The following TMEM237 variants were observed in gnomAD, a reference collection of about 807,000 sequenced individuals.
TMEM237 encodes transmembrane protein 237.
Under a neutral mutation model 59.1 loss-of-function variants are expected in TMEM237, and 51 were observed. The observed-to-expected ratio is 0.86, with a 90% CI of 0.69 to 1.09. TMEM237 has a LOEUF of 1.09. Among genes scored for constraint, TMEM237 ranks in the 50% least tolerant of loss-of-function variants. TMEM237 has a pLI of 0.00. For missense variants in TMEM237, 475 were observed against 478.3 expected, an observed-to-expected ratio of 0.99 and a Z score of 0.06; for synonymous variants, 140 against 166.1, an observed-to-expected ratio of 0.84 and a Z score of 1.21.
intron 4 of TMEM237, 179 bp downstream of exon 4, chr2:201,638,810 C>T: frequency 1.6e-6 from 1 of 640,868 alleles, no homozygotes; most frequent in Admixed American, 3.0e-5. Flanking sequence ...AGGCTGCCCA[C>T]TGCCCTGTAC....
chr2:201,624,323 C>T lies in TMEM237; in HGVS notation c.1160-1G>A, dbSNP rs747465681. 18 of 1,609,462 alleles carry T rather than the reference C, an allele frequency of 1.1e-5. No homozygotes were observed. In the African/African-American group the frequency reaches 2.3e-4, roughly 20 times the overall value. ...TCCACCTCTGAGGAGAACATTAACT[C>T]TGGAGAAGAAAATGAACAGATCATA... On this transcript the variant is annotated splice_acceptor_variant, in intron 12 of 12. Transcript: ENST00000409883. LOFTEE classifies it high-confidence loss of function.
In TMEM237 at chr2:201,627,342, G is replaced by A; in HGVS notation, c.1016C>T (p.Ser339Phe). The change falls in exon 11 of 13, where the codon TCT becomes TTT. Residue 339 changes from serine to phenylalanine, a missense_variant. Transcript: ENST00000409883. ...TTACCAGAGGCTACCATTAACAGAA[G>A]AAGGTGTGTAAAGGTGGATTCTGTC... The part of the protein sequence containing the change: ...TSDRIHLYTP[S>F]SVNGSLWEAG... 6.2e-7 allele frequency: 1 copy of A among 1,608,104 alleles called. No individual in the cohort carries two copies. The highest frequency in any genetic ancestry group is 1.1e-5 in the South Asian group (1 of 89,340).
At position 201,629,435 on chromosome 2, in the gene TMEM237, G is replaced by A; in HGVS notation, c.678-14C>T. ...AGACCAATCATCCTGAATGGAAAAG[G>A]GTTTGATTATTATACATGAATTACT... On this transcript the variant is annotated splice_polypyrimidine_tract_variant and intron_variant, in intron 8 of 12. Coordinates refer to ENST00000409883, the MANE Select transcript of TMEM237 (RefSeq NM_001044385.3). 6.5e-7 allele frequency: 1 copy of A among 1,527,768 alleles called. No homozygotes were observed. The highest frequency in any genetic ancestry group is 2.4e-5 in the Admixed American group (1 of 40,826). 94.6% of individuals were successfully genotyped at this position (1,527,768 alleles called of 1,614,324 possible). A position where few individuals can be genotyped will look rare whatever the true frequency, so the allele number is the denominator to read the frequency against.
chr2:201,643,059 G>A lies in TMEM237; in HGVS notation c.42+300C>T. On this transcript the variant is annotated intron_variant, in intron 1 of 12. Transcript: ENST00000409883. This position sits in a 1 kb window ranked among gnomAD's most constrained non-coding sequence, Gnocchi z 4.3. Reference sequence around the variant, plus strand: ...AGGAGAGGCCTGGCTGGAAGCCCCGGCACCCGCCGGGCCCCGGGCCTCAGA... The same window carrying A: ...AGGAGAGGCCTGGCTGGAAGCCCCGACACCCGCCGGGCCCCGGGCCTCAGA... 8.4e-7 allele frequency: 1 copy of A among 1,195,608 alleles called. No individual in the cohort carries two copies. Among genetic ancestry groups the A allele is most frequent in the Non-Finnish European group, 1.1e-6 (1 of 923,448 alleles). The allele number at this position is 1,195,608 out of a possible 1,614,324, so 74.1% of individuals were successfully genotyped here. A position where few individuals can be genotyped will look rare whatever the true frequency, so the allele number is the denominator to read the frequency against.
In TMEM237 at chr2:201,643,229, A is replaced by T; in HGVS notation, c.42+130T>A. 1.9e-6 allele frequency: 2 copies of T among 1,029,402 alleles called. No homozygotes were observed. The allele number at this position is 1,029,402 out of a possible 1,614,324, so 63.8% of individuals were successfully genotyped here. On this transcript the variant is annotated intron_variant, in intron 1 of 12. Coordinates refer to ENST00000409883, the MANE Select transcript of TMEM237 (RefSeq NM_001044385.3). The surrounding 1 kb of genome is among the most constrained non-coding windows in gnomAD (Gnocchi z 4.3). ...GAACACTGGAGGGGCGGATGCGCGC[A>T]CCCCACGAGCAAGGCCCTCCCTTAG...
At chr2:201,629,467 A>G in intron 8 of TMEM237, 46 bp from the exon 9 acceptor site, 2 of 1,451,056 alleles carry the variant, frequency 1.4e-6, no homozygotes. Flanking sequence ...TACTAAAGTA[A>G]AAAGCTAAAA....
intron 1 of TMEM237, chr2:201,642,470 T>C: frequency 1.1e-6 from 1 of 936,802 alleles, no homozygotes. Flanking sequence ...CCCAGGGCTC[T>C]GTTCACGTAA....
At position 201,632,078 on chromosome 2, in the gene TMEM237, C is replaced by T; in HGVS notation, c.526G>A (p.Val176Ile). 6.2e-7 allele frequency: 1 copy of T among 1,613,844 alleles called. No individual in the cohort carries two copies. The highest frequency in any genetic ancestry group is 1.1e-5 in the South Asian group (1 of 91,058). ...FTAPTGISQP[V>I]GKVFVEKSRR... ...CTTTTTTCCACAAATACTTTGCCTACAGGCTGGCTAATGCCAGTGGGTGCA... is the reference window on the plus strand; with the variant it reads ...CTTTTTTCCACAAATACTTTGCCTATAGGCTGGCTAATGCCAGTGGGTGCA... Residue 176 changes from valine (V) to isoleucine (I), a missense_variant, in exon 7 of 13, where the codon GTA (valine) becomes ATA (isoleucine). By Grantham distance (29) the Val-to-Ile change is conservative. Transcript: ENST00000409883.
rs887380242 is a variant in TMEM237, at chr2:201,621,040, T to G, written c.*3215A>C. ...GTGGTGTGTTAATTACTGCACCCCA[T>G]GAAACTTGCTGTCCAGCAGCTCACT... On this transcript the variant is annotated 3_prime_UTR_variant, in exon 13 of 13. Transcript: ENST00000409883. 1 of 152,212 alleles carries G rather than the reference T, an allele frequency of 6.6e-6. No homozygotes were observed. Among genetic ancestry groups the G allele is most frequent in the Non-Finnish European group, 1.5e-5 (1 of 68,044 alleles). 9.4% of individuals were successfully genotyped at this position (152,212 alleles called of 1,614,324 possible).
At chr2:201,640,292 A>G in intron 2 of TMEM237, 27 bp from the exon 3 acceptor site, 1 of 1,551,622 alleles carries the variant, frequency 6.4e-7, no homozygotes, top group Non-Finnish European at 8.6e-7. Flanking sequence ...CACCAAACAA[A>G]TTTAATCAGC....
Position 201,624,300 on chromosome 2 carries a change from C to T in TMEM237, c.1182G>A (p.Val394=), listed in dbSNP as rs191956252. The T allele has an allele frequency of 2.5e-6, 4 of 1,612,294 alleles. No homozygotes were observed. Among genetic ancestry groups the T allele is most frequent in the Admixed American group, 1.7e-5 (1 of 59,942 alleles). The part of the protein sequence containing the change: ...LSEELMFSSE[V]EEYPDKEKEI... ...CTTTCTCTTTATCAGGATATTCTTC[C>T]ACCTCTGAGGAGAACATTAACTCTG... The change falls in exon 13 of 13, where the codon GTG becomes GTA. Residue 394 remains valine (V), a synonymous_variant. Coordinates refer to ENST00000409883, the MANE Select transcript of TMEM237 (RefSeq NM_001044385.3).
chr2:201,632,039 G>A lies in TMEM237; in HGVS notation c.553+12C>T, dbSNP rs767452560. 2 of 1,613,068 alleles carry A rather than the reference G, an allele frequency of 1.2e-6. No homozygotes were observed. The highest frequency in any genetic ancestry group is 8.5e-7 in the Non-Finnish European group (1 of 1,179,350). On this transcript the variant is annotated intron_variant, in intron 7 of 12. Coordinates refer to ENST00000409883, the MANE Select transcript of TMEM237 (RefSeq NM_001044385.3). ...TAAAGAGTTCATATTCTAAAACAAGGCATCTACTTACGGCTTTTTTCCACA... is the reference window on the plus strand; with the variant it reads ...TAAAGAGTTCATATTCTAAAACAAGACATCTACTTACGGCTTTTTTCCACA...
At chr2:201,641,002 T>G in intron 1 of TMEM237, 78 bp from the exon 2 acceptor site, 2 of 1,399,650 alleles carry the variant, frequency 1.4e-6, no homozygotes, top group South Asian at 2.7e-5. Context: ...CGCTATTTTT[T>G]TTTTTTTGAG....
intron 10 of TMEM237, among the ~76,000 whole-genome samples, chr2:201,627,673 A>G (rs1430993993): frequency 6.6e-6 from 1 of 152,212 alleles, no homozygotes; most frequent in Non-Finnish European, 1.5e-5. Flanking sequence ...TTTAAAAGTT[A>G]AATGACTTGC....
chr2:201,636,861 G>A lies in TMEM237; in HGVS notation c.161C>T (p.Ala54Val). Residue 54 changes from alanine (A) to valine (V), a missense_variant, in exon 5 of 13, where the codon GCT becomes GTT. Physicochemically the swap from Ala to Val is moderately conservative, Grantham distance 64. Coordinates refer to ENST00000409883, the MANE Select transcript of TMEM237 (RefSeq NM_001044385.3). ...TPASASLEGLAQTAGRRPSEG... is the reference protein window; with the variant it reads ...TPASASLEGLVQTAGRRPSEG... ...AGAGGGCCTTCGACCAGCAGTCTGA[G>A]CAAGGCCTTCCAAAGAAGCACTTGC... 1 of 1,606,128 alleles carries A rather than the reference G, an allele frequency of 6.2e-7. No individual in the cohort carries two copies. Among genetic ancestry groups the A allele is most frequent in the East Asian group, 2.2e-5 (1 of 44,828 alleles).
Position 201,639,034 on chromosome 2 carries a change from G to A in TMEM237, c.91C>T (p.Leu31Phe), listed in dbSNP as rs1458601695. 3.2e-6 allele frequency: 5 copies of A among 1,581,162 alleles called. No homozygotes were observed. The Admixed American group carries it at 9.2e-5, about 29-fold the overall frequency. ...PPVPSQDDIP[L>F]SRPKKKKPRT... is the part of the protein sequence containing the mutation. ...GGCTTCTTTTTCTTAGGACGACTAAGTGGAATATCATCTATAAAGCAAGAA... is the reference window on the plus strand; with the variant it reads ...GGCTTCTTTTTCTTAGGACGACTAAATGGAATATCATCTATAAAGCAAGAA... The change falls in exon 4 of 13, where the codon CTT (leucine) becomes TTT (phenylalanine). Residue 31 changes from leucine to phenylalanine, a missense_variant. Leu to Phe is a conservative substitution (Grantham distance 22). Coordinates refer to ENST00000409883, the MANE Select transcript of TMEM237 (RefSeq NM_001044385.3).
At chr2:201,642,831 G>T in intron 1 of TMEM237, 3 of 1,345,654 alleles carry the variant, frequency 2.2e-6, no homozygotes. Context: ...TGCCAAAAAG[G>T]GGGCCTCGGA....
At position 201,643,274 on chromosome 2, in the gene TMEM237, G is replaced by GGCCCCCCCC; in HGVS notation, c.42+84_42+85insGGGGGGGGC. ...CCTTAGTGATTCCCAGCTCGTTGGC[G>GGCCCCCCCC]CCCCCCCACACACACCCACCCCCAC... is the stretch of plus-strand genomic sequence containing the variant. On this transcript the variant is annotated intron_variant, in intron 1 of 12. Transcript: ENST00000409883. This position sits in a 1 kb window ranked among gnomAD's most constrained non-coding sequence, Gnocchi z 4.3. The GGCCCCCCCC allele has an allele frequency of 8.3e-7, 1 of 1,206,756 alleles. No individual in the cohort carries two copies. Among genetic ancestry groups the GGCCCCCCCC allele is most frequent in the Non-Finnish European group, 1.2e-6 (1 of 849,316 alleles). The allele number at this position is 1,206,756 out of a possible 1,614,324, so 74.8% of individuals were successfully genotyped here. A position where few individuals can be genotyped will look rare whatever the true frequency, so the allele number is the denominator to read the frequency against.
intron 12 of TMEM237, among the ~76,000 whole-genome samples, chr2:201,624,832 A>C (rs1471729900): frequency 2.0e-5 from 3 of 152,218 alleles, no homozygotes; most frequent in Non-Finnish European, 4.4e-5. Context: ...TGTATGACTA[A>C]CATGGCCTTA....
Sources: gnomAD v4.1 joint callset for allele counts (sites outside exome capture counted in the v4.1 genomes callset) on GRCh38, gnomAD v4.1.1 for gene constraint, Gnocchi (gnomAD v3.1) non-coding constraint, MANE v1.5 for transcripts, NCBI Gene and HGNC (gene_info 2026-07-23, HGNC 2026-07-21) for gene names.